HIPK2: variants seen among roughly 807,000 people sequenced by gnomAD.
The protein encoded by HIPK2 is homeodomain-interacting protein kinase 2.
In HIPK2, 27 loss-of-function variants were observed where a neutral mutation model predicts 113.7. The ratio of observed to expected loss-of-function variants is 0.24; its 90% CI spans 0.17 to 0.33. The LOEUF (loss-of-function observed/expected upper bound fraction) is 0.33. Among genes scored for constraint, HIPK2 ranks in the 10% least tolerant of loss-of-function variants. The probability of loss-of-function intolerance (pLI) is 1.00; values close to 1 mark genes in which losing one functional copy is unlikely to be tolerated. For synonymous variants in HIPK2, 631 were observed against 642.2 expected (o/e 0.98, Z 0.26); for missense variants, 1,257 against 1,588.0 (o/e 0.79, Z 3.54).
chr7:139,634,379 G>A (rs548384335), intron 2 of HIPK2, among the ~76,000 whole-genome samples: 32 of 152,102 alleles, frequency 2.1e-4, no homozygotes, highest in African/African-American at 7.5e-4. Context: ...ATTGGACTGC[G>A]CATGTATTGT....
chr7:139,776,945 C>T (rs534713387), intron 1 of HIPK2: 1 of 152,190 alleles, frequency 6.6e-6, no homozygotes, highest in Admixed American at 6.5e-5. Context: ...CAACACAGAT[C>T]GACCCAGACC....
chr7:139,600,663 C>A, intron 10 of HIPK2, 67 bp from the exon 11 acceptor site: 1 of 1,535,360 alleles, frequency 6.5e-7, no homozygotes, highest in Non-Finnish European at 8.9e-7. Context: ...TCTATAAGAT[C>A]AAGCTTCCTC....
intron 2 of HIPK2, among the ~76,000 whole-genome samples, chr7:139,645,663 G>C (rs868692468): frequency 1.3e-5 from 2 of 152,160 alleles, no homozygotes; most frequent in Non-Finnish European, 2.9e-5. Context: ...GTGTGAGTGC[G>C]GTGAGGGGAG....
chr7:139,716,638 G>T lies in HIPK2; in HGVS notation c.397C>A (p.Arg133Ser), dbSNP rs371188483. 2 of 1,613,934 alleles carry T rather than the reference G, an allele frequency of 1.2e-6. No homozygotes were observed. The highest frequency in any genetic ancestry group is 1.7e-6 in the Non-Finnish European group (2 of 1,179,884). ...LDTYQKCGLK[R>S]KSEEIENTSS... ...GTGTTCTCGATCTCCTCGCTCTTAC[G>T]CTTGAGTCCACATTTTTGGTAGGTA... Residue 133 changes from arginine to serine, a missense_variant, in exon 2 of 15, where the codon CGT (arginine) becomes AGT (serine). Around this residue, in one of 5 missense-constraint regions of HIPK2, gnomAD observed 209 missense variants for 237.8 expected, o/e 0.88. Transcript: ENST00000406875. This position sits in a 1 kb window ranked among gnomAD's most constrained non-coding sequence, Gnocchi z 9.3.
intron 11 of HIPK2, among the ~76,000 whole-genome samples, chr7:139,597,877 T>G (rs1283967807): frequency 6.6e-6 from 1 of 152,186 alleles, no homozygotes; most frequent in Non-Finnish European, 1.5e-5. Flanking sequence ...GGTGAACATC[T>G]TTTACCTGAA....
In HIPK2 at chr7:139,573,346, C is replaced by A. The variant is rs759061928; in HGVS notation, c.3178G>T (p.Ala1060Ser). Residue 1060 changes from alanine to serine, a missense_variant, in exon 15 of 15, where the codon GCC (alanine) becomes TCC (serine). This residue lies in a region of HIPK2 where 862 missense variants were observed against 1,004.3 expected (regional missense o/e 0.86). Transcript: ENST00000406875. ...DRTGSHRRQQAYITPTMAQAP... is the reference protein window; with the variant it reads ...DRTGSHRRQQSYITPTMAQAP... ...TGGGCCATGGTGGGAGTGATGTAGGCCTGCTGCCTTCGGTGGCTCCCAGTG... is the reference window on the plus strand; with the variant it reads ...TGGGCCATGGTGGGAGTGATGTAGGACTGCTGCCTTCGGTGGCTCCCAGTG... The A allele has an allele frequency of 2.5e-6, 4 of 1,605,550 alleles. No homozygotes were observed. In the Admixed American group the frequency reaches 6.7e-5, roughly 27 times the overall value.
chr7:139,645,295 A>G (rs1341697527), intron 2 of HIPK2, among the ~76,000 whole-genome samples: 1 of 152,072 alleles, frequency 6.6e-6, no homozygotes, highest in Non-Finnish European at 1.5e-5. Flanking sequence ...AAAGACAGAA[A>G]CTTGCTCCTT....
At chr7:139,580,664 G>C (rs1338822882) in intron 13 of HIPK2, among the ~76,000 whole-genome samples, 2 of 152,242 alleles carry the variant, frequency 1.3e-5, no homozygotes, top group East Asian at 3.8e-4. Flanking sequence ...TCCAGGGCCA[G>C]ACCTCTGGGA....
rs149867208 is a variant in HIPK2 at position 139,725,421 on chromosome 7, T to C, written c.20-8406A>G. Among the ~76,000 whole-genome samples the C allele has an allele frequency of 2.1e-3, 323 of 152,334 alleles. 2 individuals are homozygous for C. Among genetic ancestry groups the C allele is most frequent in the African/African-American group, 7.3e-3 (305 of 41,574 alleles). On this transcript the variant is annotated intron_variant, in intron 1 of 14. Transcript: ENST00000406875. Reference sequence around the variant, plus strand: ...CGGGAGCGGCCAGCACTGCGGTCTCTGTACTAGAAAGCTCAGGCTTTGCTT... The same window carrying C: ...CGGGAGCGGCCAGCACTGCGGTCTCCGTACTAGAAAGCTCAGGCTTTGCTT...
chr7:139,736,493 C>T (rs374300638), intron 1 of HIPK2, among the ~76,000 whole-genome samples: 14 of 152,138 alleles, frequency 9.2e-5, no homozygotes, highest in Admixed American at 2.0e-4. Flanking sequence ...CAGCAGGACG[C>T]GGAGAGCACA....
At chr7:139,745,693 C>A (rs1030578598) in intron 1 of HIPK2, among the ~76,000 whole-genome samples, 3 of 152,184 alleles carry the variant, frequency 2.0e-5, no homozygotes, top group African/African-American at 7.2e-5. Context: ...AGGCTAAGCA[C>A]CCTGGCTCAC....
chr7:139,661,922 C>T (rs1801879546), intron 2 of HIPK2, among the ~76,000 whole-genome samples: 1 of 152,196 alleles, frequency 6.6e-6, no homozygotes. Context: ...CAAAGCCTTT[C>T]CCTCCTCCCA....
chr7:139,659,602 G>A (rs1801798292), intron 2 of HIPK2, among the ~76,000 whole-genome samples: 1 of 152,188 alleles, frequency 6.6e-6, no homozygotes, highest in South Asian at 2.1e-4. Flanking sequence ...CTATCCTATA[G>A]TCTCTGCAGT....
chr7:139,634,991 A>G (rs1036020149), intron 2 of HIPK2, among the ~76,000 whole-genome samples: 3 of 152,150 alleles, frequency 2.0e-5, no homozygotes, highest in African/African-American at 7.2e-5. Flanking sequence ...AAAGAAGGGA[A>G]TATCTGAAAA....
chr7:139,750,374 T>C (rs1796259751), intron 1 of HIPK2, among the ~76,000 whole-genome samples: 1 of 152,234 alleles, frequency 6.6e-6, no homozygotes, highest in African/African-American at 2.4e-5. Context: ...TGAGCTAGAA[T>C]ACAGCATGGT....
intron 1 of HIPK2, among the ~76,000 whole-genome samples, chr7:139,768,401 AT>A (rs1375882555): frequency 6.6e-6 from 1 of 152,180 alleles, no homozygotes; most frequent in Non-Finnish European, 1.5e-5. Context: ...AGTTTTGGTG[AT>A]GTCAAAGAGA....
chr7:139,691,876 A>C (rs78640437), intron 2 of HIPK2, among the ~76,000 whole-genome samples: 1,833 of 152,344 alleles, frequency 0.012, 26 homozygotes, highest in African/African-American at 0.041. Flanking sequence ...AAAATAAATA[A>C]TACATTAAAA....
chr7:139,677,866 T>A (rs547495597), intron 2 of HIPK2, among the ~76,000 whole-genome samples: 4 of 152,360 alleles, frequency 2.6e-5, no homozygotes, highest in African/African-American at 9.6e-5. Flanking sequence ...TTTCTCCACA[T>A]CCTCTCCAGC....
At chr7:139,652,439 A>C (rs1271301539) in intron 2 of HIPK2, among the ~76,000 whole-genome samples, 1 of 152,242 alleles carries the variant, frequency 6.6e-6, no homozygotes, top group Non-Finnish European at 1.5e-5. Flanking sequence ...AGCATGTTCA[A>C]GACTCTGCTA....
Sources: allele counts gnomAD v4.1 joint callset (sites outside exome capture counted in the v4.1 genomes callset), GRCh38; gene constraint gnomAD v4.1.1; regional missense constraint gnomAD v4.1.1; non-coding constraint Gnocchi (gnomAD v3.1); transcripts MANE v1.5; gene names NCBI Gene and HGNC (gene_info 2026-07-23, HGNC 2026-07-21).